PPP1R9A: variants seen among roughly 807,000 people sequenced by gnomAD.
PPP1R9A encodes the protein neurabin-1.
PPP1R9A carries 59 observed loss-of-function variants against 141.9 expected under a neutral mutation model. The observed-to-expected ratio is 0.42, with a 90% CI of 0.34 to 0.52. The LOEUF is 0.52. Ranked by LOEUF, PPP1R9A falls within the 20% of genes least tolerant of loss-of-function variation. The pLI, the probability that PPP1R9A is intolerant of heterozygous loss-of-function variation, is 0.10. For synonymous variants in PPP1R9A, 500 were observed against 569.7 expected (o/e 0.88, Z 1.74); for missense variants, 1,444 against 1,611.9 (o/e 0.90, Z 1.78).
At chr7:95,028,979 A>T (rs1376141206) in intron 2 of PPP1R9A, among the ~76,000 whole-genome samples, 1 of 151,586 alleles carries the variant, frequency 6.6e-6, no homozygotes, top group East Asian at 1.9e-4. Context: ...CTCAGAAGTG[A>T]TTTTTTTTTA....
chr7:94,934,816 A>G (rs568656585), intron 2 of PPP1R9A, among the ~76,000 whole-genome samples: 2 of 151,620 alleles, frequency 1.3e-5, no homozygotes, highest in African/African-American at 4.9e-5. Flanking sequence ...GTGTATGTAT[A>G]TACACACATA....
At chr7:95,025,213 G>C (rs1436483378) in intron 2 of PPP1R9A, among the ~76,000 whole-genome samples, 1 of 151,900 alleles carries the variant, frequency 6.6e-6, no homozygotes, top group African/African-American at 2.4e-5. Flanking sequence ...ATTACAGGTG[G>C]TCACCACCAT....
At chr7:95,284,901 T>C (rs1022406490) in intron 17 of PPP1R9A, among the ~76,000 whole-genome samples, 2 of 152,224 alleles carry the variant, frequency 1.3e-5, no homozygotes, top group Non-Finnish European at 1.5e-5. Flanking sequence ...CACACGTTGT[T>C]TGGTCTCCTT....
chr7:95,282,644 A>G lies in PPP1R9A; in HGVS notation c.3297-1374A>G, dbSNP rs2285693. Among the ~76,000 whole-genome samples the G allele has an allele frequency of 2.0e-3, 308 of 152,280 alleles. 3 individuals are homozygous for G. The East Asian group carries it at 0.047, about 23-fold the overall frequency. ...CAGAGGGGACAGCTTTCCCTCTCCTATATAATCAACCAGATTCATGTTTTT... is the reference window on the plus strand; with the variant it reads ...CAGAGGGGACAGCTTTCCCTCTCCTGTATAATCAACCAGATTCATGTTTTT... On this transcript the variant is annotated intron_variant, in intron 16 of 19. Transcript: ENST00000433360.
chr7:94,981,645 C>G (rs954786997), intron 2 of PPP1R9A, among the ~76,000 whole-genome samples: 14 of 152,150 alleles, frequency 9.2e-5, no homozygotes, highest in African/African-American at 2.4e-4. Flanking sequence ...GTGTTATTTT[C>G]AGGTGAAGTC....
At chr7:95,086,291 A>G (rs1371107481) in intron 2 of PPP1R9A, among the ~76,000 whole-genome samples, 1 of 152,020 alleles carries the variant, frequency 6.6e-6, no homozygotes, top group African/African-American at 2.4e-5. Flanking sequence ...TAGGATTTTT[A>G]TGTCTTAACA....
At chr7:95,280,680 TA>T (rs1015820504) in intron 16 of PPP1R9A, among the ~76,000 whole-genome samples, 2 of 152,112 alleles carry the variant, frequency 1.3e-5, no homozygotes, top group Non-Finnish European at 2.9e-5. Context: ...AAATTATAGC[TA>T]AAAAAGAAGG....
intron 2 of PPP1R9A, among the ~76,000 whole-genome samples, chr7:94,927,416 A>G (rs1027432466): frequency 4.6e-5 from 7 of 152,202 alleles, no homozygotes; most frequent in Non-Finnish European, 1.0e-4. Context: ...GAATTGAGCT[A>G]CTATGTCAGA....
intron 8 of PPP1R9A, among the ~76,000 whole-genome samples, chr7:95,240,701 C>T (rs1797328697): frequency 6.6e-6 from 1 of 152,056 alleles, no homozygotes; most frequent in Non-Finnish European, 1.5e-5. Context: ...ACTTAATTCT[C>T]TTATTAAATG....
chr7:95,051,462 G>T (rs1212057279), intron 2 of PPP1R9A, among the ~76,000 whole-genome samples: 2 of 151,842 alleles, frequency 1.3e-5, no homozygotes, highest in African/African-American at 4.8e-5. Context: ...AATTATTCTG[G>T]GTCTTTTGTT....
At chr7:95,246,946 T>C (rs568218939) in intron 8 of PPP1R9A, among the ~76,000 whole-genome samples, 1 of 152,144 alleles carries the variant, frequency 6.6e-6, no homozygotes, top group Non-Finnish European at 1.5e-5. Flanking sequence ...GAAAAAAATA[T>C]GTATCAGAGA....
intron 2 of PPP1R9A, among the ~76,000 whole-genome samples, chr7:95,085,421 G>T (rs1394428306): frequency 8.7e-5 from 11 of 126,920 alleles, no homozygotes; most frequent in African/African-American, 1.5e-4. Flanking sequence ...AAAATTTTTG[G>T]TTTTTTTTTT....
At chr7:95,118,574 A>G (rs890570924) in intron 3 of PPP1R9A, among the ~76,000 whole-genome samples, 4 of 152,214 alleles carry the variant, frequency 2.6e-5, no homozygotes, top group Non-Finnish European at 4.4e-5. Context: ...AAACATATGT[A>G]GAATAAAGAT....
chr7:94,911,560 C>A, intron 2 of PPP1R9A, 52 bp downstream of exon 2: 1 of 1,392,566 alleles, frequency 7.2e-7, no homozygotes, highest in Admixed American at 1.9e-5. Context: ...AGTACTAGGG[C>A]CTAATTGTAT....
At chr7:94,997,291 C>T (rs1024874766) in intron 2 of PPP1R9A, among the ~76,000 whole-genome samples, 1 of 151,502 alleles carries the variant, frequency 6.6e-6, no homozygotes, top group African/African-American at 2.4e-5. Flanking sequence ...CTTTTTTTCA[C>T]CCATTTATGA....
At chr7:95,074,854 C>G (rs371007203) in intron 2 of PPP1R9A, among the ~76,000 whole-genome samples, 1 of 152,136 alleles carries the variant, frequency 6.6e-6, no homozygotes, top group Non-Finnish European at 1.5e-5. Flanking sequence ...TCCTCCTACT[C>G]TCTCCAATAC....
intron 4 of PPP1R9A, among the ~76,000 whole-genome samples, chr7:95,138,129 T>TCAC (rs1826009912): frequency 6.6e-6 from 1 of 152,056 alleles, no homozygotes; most frequent in Non-Finnish European, 1.5e-5. Flanking sequence ...AGATGGGGTT[T>TCAC]CACCGTATTA....
chr7:94,975,984 G>C (rs1009138794), intron 2 of PPP1R9A, among the ~76,000 whole-genome samples: 1 of 151,986 alleles, frequency 6.6e-6, no homozygotes, highest in South Asian at 2.1e-4. Flanking sequence ...CTCTCTAAAT[G>C]TTGGGTCATT....
chr7:95,252,760 G>A (rs937147620), intron 12 of PPP1R9A, among the ~76,000 whole-genome samples: 20 of 152,194 alleles, frequency 1.3e-4, no homozygotes, highest in African/African-American at 4.1e-4. Flanking sequence ...GAGCCACCGC[G>A]CCCAGCCAAG....
Sources: gnomAD v4.1 joint callset for allele counts (sites outside exome capture counted in the v4.1 genomes callset) on GRCh38, gnomAD v4.1.1 for gene constraint, MANE v1.5 for transcripts, NCBI Gene and HGNC (gene_info 2026-07-23, HGNC 2026-07-21) for gene names.